GLIS3: variants seen among roughly 807,000 people sequenced by gnomAD.
GLIS3 encodes the protein zinc finger protein GLIS3.
GLIS3 carries 53 observed loss-of-function variants against 78.6 expected under a neutral mutation model. The observed-to-expected ratio is 0.67, with a 90% CI of 0.54 to 0.85. The LOEUF (loss-of-function observed/expected upper bound fraction) is 0.85, where lower values mean the gene tolerates loss of function less well. Among genes scored for constraint, GLIS3 ranks in the 40% least tolerant of loss-of-function variants. The pLI is 0.00. For missense variants in GLIS3, 1,703 were observed against 1,231.1 expected, an observed-to-expected ratio of 1.38 and a Z score of -5.74; for synonymous variants, 684 against 509.9, an observed-to-expected ratio of 1.34 and a Z score of -4.60.
At chr9:3,951,146 GAATAAATAGCTT>G (rs890759220) in intron 4 of GLIS3, among the ~76,000 whole-genome samples, 1 of 152,196 alleles carries the variant, frequency 6.6e-6, no homozygotes, top group Non-Finnish European at 1.5e-5. Context: ...CCAGGGAGAT[GAATAAATAGCTT>G]CACTAAATAC....
At chr9:4,400,738 A>G in the GLIS3 span, among the ~76,000 whole-genome samples, 1 of 152,218 alleles carries the variant, frequency 6.6e-6, no homozygotes, top group East Asian at 1.9e-4. Flanking sequence ...CCACAGTAGG[A>G]TAGGGCTCTG....
intron 2 of GLIS3, among the ~76,000 whole-genome samples, chr9:4,320,360 G>C (rs985124791): frequency 2.0e-5 from 3 of 152,070 alleles, no homozygotes; most frequent in African/African-American, 7.3e-5. Context: ...TTGAGAAGGA[G>C]GTGGGACTGA....
chr9:4,118,951 G>A lies in GLIS3; in HGVS notation c.597-70C>T, dbSNP rs942064727. On this transcript the variant is annotated intron_variant, in intron 3 of 10. Transcript: ENST00000381971. This position sits in a 1 kb window ranked among gnomAD's most constrained non-coding sequence, Gnocchi z 4.7. ...TTAGCAGGATACGGATTGCTTAAGA[G>A]CTAAAAGAACACTGCATTGACAATC... 1.3e-6 allele frequency: 2 copies of A among 1,496,088 alleles called. No individual in the cohort carries two copies. Among genetic ancestry groups the A allele is most frequent in the Non-Finnish European group, 9.1e-7 (1 of 1,104,398 alleles). 92.7% of individuals were successfully genotyped at this position (1,496,088 alleles called of 1,614,324 possible).
the GLIS3 span, among the ~76,000 whole-genome samples, chr9:4,468,077 G>A: frequency 6.6e-6 from 1 of 152,018 alleles, no homozygotes; most frequent in African/African-American, 2.4e-5. Context: ...AGTGAGAAGA[G>A]AAGTTTAGAG....
At chr9:4,003,320 C>G (rs1372292196) in intron 4 of GLIS3, among the ~76,000 whole-genome samples, 1 of 151,998 alleles carries the variant, frequency 6.6e-6, no homozygotes, top group Admixed American at 6.6e-5. Context: ...CTCCATAGCA[C>G]AGTTATAAAC....
At chr9:4,075,316 C>T (rs1479068594) in intron 4 of GLIS3, among the ~76,000 whole-genome samples, 2 of 151,490 alleles carry the variant, frequency 1.3e-5, no homozygotes, top group East Asian at 3.9e-4. Flanking sequence ...CACCTATAAT[C>T]CCAGCACTTT....
intron 4 of GLIS3, among the ~76,000 whole-genome samples, chr9:3,997,749 G>C (rs1454323798): frequency 6.6e-6 from 1 of 152,002 alleles, no homozygotes; most frequent in Non-Finnish European, 1.5e-5. Context: ...ATCAAACTTA[G>C]TGGGGAAATA....
chr9:3,941,917 C>T (rs981232219), intron 4 of GLIS3, among the ~76,000 whole-genome samples: 7 of 152,066 alleles, frequency 4.6e-5, no homozygotes, highest in Admixed American at 6.5e-5. Context: ...GACTTGATTA[C>T]GATTGTTGAC....
At chr9:4,146,820 G>A (rs997386067) in intron 2 of GLIS3, among the ~76,000 whole-genome samples, 1 of 152,154 alleles carries the variant, frequency 6.6e-6, no homozygotes, top group Non-Finnish European at 1.5e-5. Flanking sequence ...ACAGCAAAGA[G>A]GAAGGATGCT....
At chr9:4,071,004 CTT>C (rs886825601) in intron 4 of GLIS3, 4 of 152,114 alleles carry the variant, frequency 2.6e-5, no homozygotes, top group South Asian at 2.1e-4. Flanking sequence ...CCACTGAAGT[CTT>C]TTTTCTTCCT....
chr9:4,028,970 T>C (rs1397659992), intron 4 of GLIS3, among the ~76,000 whole-genome samples: 1 of 152,160 alleles, frequency 6.6e-6, no homozygotes, highest in Non-Finnish European at 1.5e-5. Flanking sequence ...ATACATTATA[T>C]GTGCTGTCTG....
chr9:4,037,631 T>C (rs1035823594), intron 4 of GLIS3, among the ~76,000 whole-genome samples: 12 of 151,782 alleles, frequency 7.9e-5, no homozygotes, highest in African/African-American at 2.9e-4. Context: ...GGCATTATTT[T>C]AATCTATGAT....
the GLIS3 span, among the ~76,000 whole-genome samples, chr9:4,467,271 T>C: frequency 2.5e-3 from 386 of 152,250 alleles, 1 homozygote; most frequent in African/African-American, 8.9e-3. Flanking sequence ...TCTGACAGCT[T>C]TGAAGAGAGT....
intron 2 of GLIS3, among the ~76,000 whole-genome samples, chr9:4,198,679 G>A (rs571879696): frequency 2.0e-5 from 3 of 152,214 alleles, no homozygotes; most frequent in African/African-American, 7.2e-5. Flanking sequence ...TCTTGCTAGA[G>A]AGGCAGACAC....
the GLIS3 span, among the ~76,000 whole-genome samples, chr9:4,371,257 T>C: frequency 6.6e-6 from 1 of 152,172 alleles, no homozygotes; most frequent in East Asian, 1.9e-4. Flanking sequence ...CCTGGCTGAC[T>C]GGGACAGGAG....
intron 1 of GLIS3, among the ~76,000 whole-genome samples, chr9:4,291,148 T>C (rs749938685): frequency 4.6e-5 from 7 of 152,134 alleles, no homozygotes; most frequent in Non-Finnish European, 1.0e-4. Flanking sequence ...AGGCCTAACG[T>C]TGGTAATTCT....
At chr9:4,484,789 C>T in the GLIS3 span, among the ~76,000 whole-genome samples, 1 of 152,260 alleles carries the variant, frequency 6.6e-6, no homozygotes, top group Admixed American at 6.5e-5. Flanking sequence ...CTTCCCAAAA[C>T]TATCCCTTCC....
At chr9:4,352,765 G>T (rs963030192), upstream of GLIS3, among the ~76,000 whole-genome samples, 1 of 152,242 alleles carries the variant, frequency 6.6e-6, no homozygotes, top group African/African-American at 2.4e-5. Context: ...TACTTGGATG[G>T]AGAGATCAAA....
chr9:4,128,546 T>G (rs1031382749), intron 2 of GLIS3, among the ~76,000 whole-genome samples: 1 of 152,246 alleles, frequency 6.6e-6, no homozygotes, highest in East Asian at 1.9e-4. Context: ...TGACAAGTTA[T>G]TCCACTGAAA....
Sources: allele counts gnomAD v4.1 joint callset (sites outside exome capture counted in the v4.1 genomes callset), GRCh38; gene constraint gnomAD v4.1.1; non-coding constraint Gnocchi (gnomAD v3.1); transcripts MANE v1.5; gene names NCBI Gene and HGNC (gene_info 2026-07-23, HGNC 2026-07-21).